The following PRKN variants were observed in gnomAD, a reference collection of about 807,000 sequenced individuals.
PRKN encodes the protein E3 ubiquitin-protein ligase parkin.
In PRKN, 56 loss-of-function variants were observed where a neutral mutation model predicts 59.5. That is an observed-to-expected ratio of 0.94 (90% CI 0.76 to 1.18). The LOEUF is 1.18. Ranked by LOEUF, PRKN falls within the 50% of genes most tolerant of loss-of-function variation. The probability of loss-of-function intolerance (pLI) is 0.00; values close to 1 mark genes in which losing one functional copy is unlikely to be tolerated. For missense variants in PRKN, 657 were observed against 596.4 expected (o/e 1.10, Z -1.06); for synonymous variants, 250 against 222.1 (o/e 1.13, Z -1.12).
chr6:162,131,091 G>T (rs982301033), intron 4 of PRKN, among the ~76,000 whole-genome samples: 3 of 151,946 alleles, frequency 2.0e-5, no homozygotes, highest in African/African-American at 7.3e-5. Flanking sequence ...CAGCTTCATG[G>T]CATTCATTAA....
chr6:161,911,691 A>C (rs1245638318), intron 6 of PRKN, among the ~76,000 whole-genome samples: 2 of 152,220 alleles, frequency 1.3e-5, no homozygotes. Flanking sequence ...GTCAGTATAG[A>C]AATGTAGTAT....
chr6:161,616,542 C>T (rs772449449), intron 7 of PRKN, among the ~76,000 whole-genome samples: 2 of 152,028 alleles, frequency 1.3e-5, no homozygotes, highest in African/African-American at 2.4e-5. Context: ...GGTATTTCTC[C>T]TAATGCTATC....
At position 161,762,465 on chromosome 6, in the gene PRKN, A is replaced by T. The variant is rs1414208514; in HGVS notation, c.871+23307T>A. On this transcript the variant is annotated intron_variant, in intron 7 of 11. Coordinates refer to ENST00000366898, the MANE Select transcript of PRKN (RefSeq NM_004562.3). The stretch of plus-strand genomic sequence containing the variant: ...GAAGTTACTTTCAAGCTATTAATGA[A>T]CAAATTAAAGACTACTTGATGTCAG... 2.0e-5 allele frequency among the ~76,000 whole-genome samples: 3 copies of T among 152,334 alleles called. No homozygotes were observed. The East Asian group carries it at 5.8e-4, about 29-fold the overall frequency.
At chr6:161,895,279 C>A (rs1777568591) in intron 6 of PRKN, among the ~76,000 whole-genome samples, 1 of 152,186 alleles carries the variant, frequency 6.6e-6, no homozygotes. Context: ...CCCTCTGACA[C>A]TAGAGTCGGC....
intron 6 of PRKN, among the ~76,000 whole-genome samples, chr6:161,966,545 C>T (rs1389277057): frequency 6.6e-6 from 1 of 152,174 alleles, no homozygotes; most frequent in Non-Finnish European, 1.5e-5. Flanking sequence ...GTTGTAACTT[C>T]TATTGGAAAG....
intron 2 of PRKN, among the ~76,000 whole-genome samples, chr6:162,313,656 T>A (rs924663302): frequency 1.4e-4 from 21 of 151,798 alleles, no homozygotes; most frequent in Non-Finnish European, 1.8e-4. Flanking sequence ...CCCGGCTAAT[T>A]TTTGTATTTT....
chr6:162,535,907 CA>C (rs71544936), intron 1 of PRKN, among the ~76,000 whole-genome samples: 503 of 110,192 alleles, frequency 4.6e-3, no homozygotes, highest in Middle Eastern at 9.5e-3. Flanking sequence ...GACCCTGTCT[CA>C]AAAAAAAAAA....
chr6:162,187,483 G>T (rs1784078766), intron 4 of PRKN, among the ~76,000 whole-genome samples: 1 of 152,118 alleles, frequency 6.6e-6, no homozygotes, highest in Admixed American at 6.6e-5. Context: ...CAGTGCAGGG[G>T]AGCAAGTTCA....
At chr6:161,524,352 T>C (rs1366817940) in intron 9 of PRKN, among the ~76,000 whole-genome samples, 4 of 152,196 alleles carry the variant, frequency 2.6e-5, no homozygotes, top group Admixed American at 2.6e-4. Flanking sequence ...ATTTTATTTT[T>C]TTATTTTTCC....
At chr6:161,830,257 G>GT (rs35558751) in intron 6 of PRKN, among the ~76,000 whole-genome samples, 22,836 of 144,364 alleles carry the variant, frequency 0.16, 2,373 homozygotes, top group African/African-American at 0.29. Context: ...TTTGTTTTTT[G>GT]TTTTTTTTTT....
chr6:162,237,457 T>C (rs1251002075), intron 3 of PRKN, among the ~76,000 whole-genome samples: 1 of 152,208 alleles, frequency 6.6e-6, no homozygotes, highest in African/African-American at 2.4e-5. Flanking sequence ...TTATCTCCAG[T>C]GGTCTGTTAA....
chr6:161,874,801 T>C (rs183406734), intron 6 of PRKN, among the ~76,000 whole-genome samples: 58 of 82,598 alleles, frequency 7.0e-4, no homozygotes, highest in Non-Finnish European at 9.6e-4. Flanking sequence ...ATAAAATGTA[T>C]AAGATATATA....
intron 9 of PRKN, among the ~76,000 whole-genome samples, chr6:161,455,661 C>T (rs1011648567): frequency 4.0e-5 from 6 of 151,740 alleles, no homozygotes; most frequent in Non-Finnish European, 8.8e-5. Context: ...GTCAGGAGAC[C>T]GAGACCATCT....
At chr6:161,633,420 A>G (rs914440356) in intron 7 of PRKN, among the ~76,000 whole-genome samples, 4 of 152,242 alleles carry the variant, frequency 2.6e-5, no homozygotes, top group African/African-American at 9.6e-5. Context: ...TCCTTAAGAC[A>G]TCCGTTAAAA....
At chr6:161,649,798 G>A (rs1407527499) in intron 7 of PRKN, among the ~76,000 whole-genome samples, 1 of 152,166 alleles carries the variant, frequency 6.6e-6, no homozygotes, top group African/African-American at 2.4e-5. Context: ...TGAGTGGTAG[G>A]GACAATGTTG....
At chr6:162,272,965 A>C (rs1780460114) in intron 2 of PRKN, among the ~76,000 whole-genome samples, 1 of 143,914 alleles carries the variant, frequency 6.9e-6, no homozygotes, top group African/African-American at 2.6e-5. Context: ...GGGCCACTGC[A>C]CTCCAGCCTG....
chr6:162,475,340 C>T (rs1257337316), intron 1 of PRKN, among the ~76,000 whole-genome samples: 2 of 152,094 alleles, frequency 1.3e-5, no homozygotes, highest in African/African-American at 4.8e-5. Context: ...GGCCAAAAGC[C>T]ACAAGAGAAA....
intron 4 of PRKN, among the ~76,000 whole-genome samples, chr6:162,176,285 A>T (rs1042783720): frequency 6.6e-6 from 1 of 152,174 alleles, no homozygotes; most frequent in Non-Finnish European, 1.5e-5. Context: ...TAGTGTTTTA[A>T]GTTGGTTGAG....
At chr6:162,542,418 ACACCCAT>A (rs1197942016) in intron 1 of PRKN, among the ~76,000 whole-genome samples, 1 of 152,154 alleles carries the variant, frequency 6.6e-6, no homozygotes, top group Non-Finnish European at 1.5e-5. Context: ...GATTAATCCA[ACACCCAT>A]GTCTTAACCA....
Sources: allele counts gnomAD v4.1 joint callset (sites outside exome capture counted in the v4.1 genomes callset), GRCh38; gene constraint gnomAD v4.1.1; transcripts MANE v1.5; gene names NCBI Gene and HGNC (gene_info 2026-07-23, HGNC 2026-07-21).